The following MYO5B variants were observed in gnomAD, a reference collection of about 807,000 sequenced individuals.
MYO5B encodes the protein unconventional myosin-Vb.
Under a neutral mutation model 229.3 loss-of-function variants are expected in MYO5B, and 143 were observed. That is an observed-to-expected ratio of 0.62 (90% CI 0.54 to 0.72). The LOEUF (loss-of-function observed/expected upper bound fraction) is 0.72. Ranked by LOEUF, MYO5B falls within the 30% of genes least tolerant of loss-of-function variation. The pLI, the probability that MYO5B is intolerant of heterozygous loss-of-function variation, is 0.00. For missense variants in MYO5B, 2,321 were observed against 2,331.0 expected (o/e 1.00, Z 0.09); for synonymous variants, 918 against 885.2 (o/e 1.04, Z -0.66).
At chr18:49,884,018 C>T (rs938225269) in intron 22 of MYO5B, among the ~76,000 whole-genome samples, 1 of 152,182 alleles carries the variant, frequency 6.6e-6, no homozygotes, top group African/African-American at 2.4e-5. Flanking sequence ...CAGAAGAAAA[C>T]ATGGCAACAA....
chr18:50,033,913 G>C (rs934199263), intron 4 of MYO5B, among the ~76,000 whole-genome samples: 12 of 151,734 alleles, frequency 7.9e-5, no homozygotes, highest in South Asian at 2.1e-4. Context: ...TGGAACTCTT[G>C]GGGGGTGGGT....
At chr18:49,837,932 T>G in intron 36 of MYO5B, 130 bp from the exon 37 acceptor site, 1 of 1,241,798 alleles carries the variant, frequency 8.1e-7, no homozygotes, top group Non-Finnish European at 1.2e-6. Context: ...TTGACATGCT[T>G]AGGAACTTAT....
At chr18:49,855,078 C>A (rs1195251529) in intron 30 of MYO5B, among the ~76,000 whole-genome samples, 1 of 152,154 alleles carries the variant, frequency 6.6e-6, no homozygotes, top group Non-Finnish European at 1.5e-5. Flanking sequence ...TGAAATACAG[C>A]ATTTAGATAA....
chr18:49,915,856 G>A (rs1383087463), intron 17 of MYO5B, among the ~76,000 whole-genome samples: 2 of 152,168 alleles, frequency 1.3e-5, no homozygotes, highest in Non-Finnish European at 2.9e-5. Context: ...TTTCTCCCAG[G>A]CTCTTCCTGT....
At chr18:50,140,300 T>C (rs2032398691) in intron 1 of MYO5B, among the ~76,000 whole-genome samples, 1 of 152,200 alleles carries the variant, frequency 6.6e-6, no homozygotes, top group African/African-American at 2.4e-5. Context: ...AGCAACACAT[T>C]ATCTTTTTTG....
intron 1 of MYO5B, among the ~76,000 whole-genome samples, chr18:50,187,472 C>G (rs1385386674): frequency 4.7e-5 from 7 of 149,736 alleles, no homozygotes. Context: ...GACAGTCTGA[C>G]AAACCCAAAA....
chr18:50,043,494 TATATAA>T (rs1457249287), intron 2 of MYO5B, among the ~76,000 whole-genome samples: 6 of 123,026 alleles, frequency 4.9e-5, no homozygotes, highest in Admixed American at 9.8e-5. Context: ...TATATTTTTA[TATATAA>T]ATATAAATAT....
At chr18:50,122,642 A>G (rs1386304330) in intron 1 of MYO5B, among the ~76,000 whole-genome samples, 5 of 1,880 alleles carry the variant, frequency 2.7e-3, no homozygotes, top group African/African-American at 3.9e-3. Context: ...GGGGAGAGAG[A>G]GAGAGAGAGA....
intron 2 of MYO5B, among the ~76,000 whole-genome samples, chr18:50,049,466 G>A (rs1380230716): frequency 6.6e-6 from 1 of 152,174 alleles, no homozygotes; most frequent in Non-Finnish European, 1.5e-5. Flanking sequence ...TTATTCCACT[G>A]CTTACACATT....
At chr18:50,103,796 A>G (rs1288913994) in intron 1 of MYO5B, among the ~76,000 whole-genome samples, 3 of 152,068 alleles carry the variant, frequency 2.0e-5, no homozygotes, top group Non-Finnish European at 2.9e-5. Flanking sequence ...GAACTCTAAC[A>G]TCATACCACC....
intron 27 of MYO5B, among the ~76,000 whole-genome samples, chr18:49,871,857 A>G (rs1009227556): frequency 8.5e-5 from 13 of 152,208 alleles, no homozygotes; most frequent in Non-Finnish European, 1.8e-4. Flanking sequence ...CAGAGGACAC[A>G]CTGGCAGATC....
chr18:49,894,679 A>T (rs1241581608), intron 22 of MYO5B, among the ~76,000 whole-genome samples: 5 of 152,222 alleles, frequency 3.3e-5, no homozygotes, highest in Admixed American at 2.6e-4. Context: ...AGACCATAAA[A>T]ACAATGCTCA....
chr18:50,146,091 G>A (rs1169880042), intron 1 of MYO5B, among the ~76,000 whole-genome samples: 1 of 152,176 alleles, frequency 6.6e-6, no homozygotes, highest in African/African-American at 2.4e-5. Flanking sequence ...ATGATTTATT[G>A]AGGGCAAATT....
Position 49,914,957 on chromosome 18 carries a change from G to A in MYO5B, c.2091-2784C>T, listed in dbSNP as rs965642761. 2.6e-5 allele frequency among the ~76,000 whole-genome samples: 4 copies of A among 152,042 alleles called. No homozygotes were observed. In the East Asian group the frequency reaches 5.8e-4, roughly 22 times the overall value. On this transcript the variant is annotated intron_variant, in intron 17 of 39. Coordinates refer to ENST00000285039, the MANE Select transcript of MYO5B (RefSeq NM_001080467.3). ...GGCCCTTGGGTTCCTAGGAGGACTT[G>A]TTCCTCCCAGCAGCCTGGGATGAGA...
intron 2 of MYO5B, among the ~76,000 whole-genome samples, chr18:50,041,104 T>C (rs1353279616): frequency 3.3e-5 from 5 of 152,218 alleles, no homozygotes; most frequent in African/African-American, 1.2e-4. Context: ...TCACCATGTA[T>C]TATCTGAGTG....
chr18:49,967,249 G>A (rs1486081537), intron 10 of MYO5B, among the ~76,000 whole-genome samples: 4 of 152,184 alleles, frequency 2.6e-5, no homozygotes. Context: ...ACTTCAGAGT[G>A]TAGTAAGGGA....
At chr18:50,112,489 C>T (rs563903020) in intron 1 of MYO5B, among the ~76,000 whole-genome samples, 7 of 152,314 alleles carry the variant, frequency 4.6e-5, no homozygotes, top group East Asian at 1.9e-4. Flanking sequence ...GCTCCAAAGA[C>T]GGCCGCATGG....
chr18:49,878,849 A>G (rs2024555090), intron 24 of MYO5B, 96 bp downstream of exon 24: 5 of 1,411,762 alleles, frequency 3.5e-6, no homozygotes, highest in Non-Finnish European at 5.0e-6. Context: ...TGGACTGAGC[A>G]TCACATATCA....
rs2144094044 is a variant in MYO5B at position 49,872,219 on chromosome 18, TG to T, written c.3550del (p.Gln1184ArgfsTer4). Reference sequence around the variant, plus strand: ...ATTCGGGTCCAAATCTATGTCAGTCTGTGGTGGTTCCGCCTGCATGGATAGA... The same window carrying T: ...ATTCGGGTCCAAATCTATGTCAGTCTTGGTGGTTCCGCCTGCATGGATAGA... Reference protein sequence around the residue: ...DSKKVQAEPPQTDIDLDPNAD... With the variant: ...DSKKVQAEPPXTDIDLDPNAD... On this transcript the variant is annotated frameshift_variant, in exon 27 of 40. Coordinates refer to ENST00000285039, the MANE Select transcript of MYO5B (RefSeq NM_001080467.3). LOFTEE classifies it high-confidence loss of function. 1 of 1,614,168 alleles carries T rather than the reference TG, an allele frequency of 6.2e-7. No homozygotes were observed. Among genetic ancestry groups the T allele is most frequent in the Non-Finnish European group, 8.5e-7 (1 of 1,179,996 alleles).
Sources: gnomAD v4.1 joint callset for allele counts (sites outside exome capture counted in the v4.1 genomes callset) on GRCh38, gnomAD v4.1.1 for gene constraint, MANE v1.5 for transcripts, NCBI Gene and HGNC (gene_info 2026-07-23, HGNC 2026-07-21) for gene names.